The following CNTN5 variants were observed in gnomAD, a reference collection of about 807,000 sequenced individuals.
CNTN5 encodes the protein contactin 5.
In CNTN5, 77 loss-of-function variants were observed where a neutral mutation model predicts 129.1. The observed-to-expected ratio is 0.60, with a 90% CI of 0.50 to 0.72. The LOEUF is 0.72. CNTN5 is among the 30% of genes least tolerant of loss of function. CNTN5 has a pLI of 0.00. For missense variants in CNTN5, 1,478 were observed against 1,328.8 expected, an observed-to-expected ratio of 1.11 and a Z score of -1.75; for synonymous variants, 509 against 465.6, an observed-to-expected ratio of 1.09 and a Z score of -1.20.
intron 1 of CNTN5, among the ~76,000 whole-genome samples, chr11:99,266,080 T>C (rs1862869855): frequency 6.6e-6 from 1 of 151,994 alleles, no homozygotes; most frequent in South Asian, 2.1e-4. Flanking sequence ...AGTATAAAAA[T>C]AAGTTCAGAA....
At chr11:99,908,728 G>C (rs1031000829) in intron 6 of CNTN5, among the ~76,000 whole-genome samples, 1 of 152,020 alleles carries the variant, frequency 6.6e-6, no homozygotes, top group Non-Finnish European at 1.5e-5. Context: ...AAATACAGGA[G>C]AAAAGACCTA....
chr11:99,510,731 A>G (rs1047086307), intron 2 of CNTN5, among the ~76,000 whole-genome samples: 1 of 152,184 alleles, frequency 6.6e-6, no homozygotes, highest in Admixed American at 6.5e-5. Context: ...AAACAAAACT[A>G]TTGGACTGCC....
At chr11:99,808,663 G>T (rs1290234454) in intron 3 of CNTN5, among the ~76,000 whole-genome samples, 7 of 152,118 alleles carry the variant, frequency 4.6e-5, no homozygotes, top group Non-Finnish European at 1.0e-4. Flanking sequence ...TTTTTCACGT[G>T]CTGGGTAGCA....
At chr11:99,979,953 A>G (rs941797706) in intron 8 of CNTN5, among the ~76,000 whole-genome samples, 1 of 152,166 alleles carries the variant, frequency 6.6e-6, no homozygotes, top group South Asian at 2.1e-4. Context: ...AACCAATTCA[A>G]AGGGTTATGA....
chr11:99,178,735 A>C (rs1857903951), intron 1 of CNTN5, among the ~76,000 whole-genome samples: 1 of 152,116 alleles, frequency 6.6e-6, no homozygotes, highest in African/African-American at 2.4e-5. Context: ...TTTTGTGACT[A>C]ATTTCATTCA....
At chr11:99,655,921 A>G (rs536537218) in intron 3 of CNTN5, among the ~76,000 whole-genome samples, 22 of 152,170 alleles carry the variant, frequency 1.4e-4, no homozygotes, top group Admixed American at 9.2e-4. Context: ...ATACACGCAT[A>G]AAATACAAAT....
intron 8 of CNTN5, among the ~76,000 whole-genome samples, chr11:99,961,074 G>A (rs1002584804): frequency 6.6e-6 from 1 of 151,828 alleles, no homozygotes; most frequent in Non-Finnish European, 1.5e-5. Context: ...GCATGGTGGT[G>A]CATGCCTGTA....
chr11:99,821,978 A>T (rs1946815936), intron 4 of CNTN5, among the ~76,000 whole-genome samples: 1 of 152,188 alleles, frequency 6.6e-6, no homozygotes, highest in African/African-American at 2.4e-5. Context: ...TCTTCTGAGC[A>T]TTTTATAAAT....
intron 3 of CNTN5, among the ~76,000 whole-genome samples, chr11:99,713,548 T>C (rs1407071891): frequency 1.3e-5 from 2 of 151,976 alleles, no homozygotes; most frequent in South Asian, 2.1e-4. Flanking sequence ...CTATGCAAGA[T>C]GCTGGGGTAA....
intron 1 of CNTN5, among the ~76,000 whole-genome samples, chr11:99,151,261 CAT>C (rs1161905507): frequency 2.6e-5 from 4 of 151,770 alleles, no homozygotes; most frequent in African/African-American, 7.3e-5. Context: ...TTAGGCATGT[CAT>C]GTGTGTGTAC....
At chr11:99,174,145 C>T (rs1462525326) in intron 1 of CNTN5, among the ~76,000 whole-genome samples, 1 of 152,030 alleles carries the variant, frequency 6.6e-6, no homozygotes, top group Non-Finnish European at 1.5e-5. Flanking sequence ...ATTGCAGGTG[C>T]CTGCCACCAC....
chr11:100,004,971 A>G (rs909516206), intron 9 of CNTN5, among the ~76,000 whole-genome samples: 7 of 152,256 alleles, frequency 4.6e-5, no homozygotes, highest in South Asian at 2.1e-4. Context: ...TGCGGATGCA[A>G]TTGTCAGTTC....
intron 1 of CNTN5, among the ~76,000 whole-genome samples, chr11:99,295,688 A>G (rs1864351824): frequency 6.6e-6 from 1 of 151,342 alleles, no homozygotes; most frequent in Admixed American, 6.6e-5. Context: ...CATCCTGGCT[A>G]ACAAGGTGAA....
chr11:100,341,022 C>A, intron 22 of CNTN5, 71 bp from the exon 23 acceptor site: 1 of 1,138,696 alleles, frequency 8.8e-7, no homozygotes, highest in Non-Finnish European at 1.3e-6. Flanking sequence ...GATTGAGATA[C>A]TCACAAAGAA....
Position 99,890,933 on chromosome 11 carries a change from G to GA in CNTN5, c.578-25121_578-25120insA, listed in dbSNP as rs1565644843. Among the ~76,000 whole-genome samples the GA allele has an allele frequency of 4.6e-5, 7 of 151,674 alleles. No homozygotes were observed. In the South Asian group the frequency reaches 6.3e-4, roughly 14 times the overall value. Reference sequence around the variant, plus strand: ...CCAATATCCCCAGTAAGATAATGGGGGAAAAAAATCAGACCATTGCCAATT... The same window carrying GA: ...CCAATATCCCCAGTAAGATAATGGGGAGAAAAAAATCAGACCATTGCCAATT... On this transcript the variant is annotated intron_variant, in intron 6 of 24. Transcript: ENST00000524871.
chr11:99,546,001 A>T (rs1382576334), intron 2 of CNTN5, among the ~76,000 whole-genome samples: 1 of 107,326 alleles, frequency 9.3e-6, no homozygotes, highest in African/African-American at 3.9e-5. Context: ...TTTTCCTATC[A>T]GTAGGAAATG....
At chr11:99,354,650 T>C (rs1938517884) in intron 2 of CNTN5, among the ~76,000 whole-genome samples, 1 of 152,180 alleles carries the variant, frequency 6.6e-6, no homozygotes, top group Non-Finnish European at 1.5e-5. Context: ...TTCCACATTA[T>C]GGTGGCTGTT....
At chr11:100,038,782 G>C (rs1265147772) in intron 9 of CNTN5, among the ~76,000 whole-genome samples, 9 of 151,984 alleles carry the variant, frequency 5.9e-5, no homozygotes, top group Admixed American at 5.2e-4. Flanking sequence ...CAGAGACTAG[G>C]ATTGCAACCC....
chr11:99,060,967 C>T (rs906081578), intron 1 of CNTN5, among the ~76,000 whole-genome samples: 4 of 152,212 alleles, frequency 2.6e-5, no homozygotes, highest in Admixed American at 1.3e-4. Context: ...AATCTCCCTG[C>T]GTCTCTTCCT....
Sources: gnomAD v4.1 joint callset for allele counts (sites outside exome capture counted in the v4.1 genomes callset) on GRCh38, gnomAD v4.1.1 for gene constraint, MANE v1.5 for transcripts, NCBI Gene and HGNC (gene_info 2026-07-23, HGNC 2026-07-21) for gene names.